The following CNOT3 variants were observed in gnomAD, a reference collection of about 807,000 sequenced individuals.
CNOT3 encodes the protein CCR4-associated factor 3.
A neutral mutation model predicts 89.4 loss-of-function variants in CNOT3; 2 were observed. The observed-to-expected ratio is 0.02, with a 90% CI of 0.01 to 0.07. The LOEUF is 0.07. Ranked by LOEUF, CNOT3 falls within the 10% of genes least tolerant of loss-of-function variation. The pLI, the probability that CNOT3 is intolerant of heterozygous loss-of-function variation, is 1.00. For missense variants in CNOT3, 664 were observed against 1,010.2 expected (o/e 0.66, Z 4.65); for synonymous variants, 486 against 402.0 (o/e 1.21, Z -2.50).
rs1015932395 is a variant in CNOT3 at position 54,148,227 on chromosome 19, C to G, written c.974C>G (p.Ser325Cys). Residue 325 changes from serine (S) to cysteine (C), a missense_variant, in exon 11 of 18, where the codon TCC (serine) becomes TGC (cysteine). Around this residue, in one of 8 missense-constraint regions of CNOT3, gnomAD observed 545 missense variants for 566.2 expected, o/e 0.96. Transcript: ENST00000221232. This position sits in a 1 kb window ranked among gnomAD's most constrained non-coding sequence, Gnocchi z 6.3. ...CCAGCTGTGCCGCCCACCTACCCCT[C>G]CGGCCCCCCGCCTGCTGCCTCTGCC... The part of the protein sequence containing the change: ...QSPAVPPTYP[S>C]GPPPAASALS... 2 of 1,597,868 alleles carry G rather than the reference C, an allele frequency of 1.3e-6. No individual in the cohort carries two copies. Among genetic ancestry groups the G allele is most frequent in the Non-Finnish European group, 1.7e-6 (2 of 1,171,788 alleles).
rs1555805431 is a variant in CNOT3 at position 54,148,775 on chromosome 19, T to A, written c.1406+32T>A. 2.5e-6 allele frequency: 4 copies of A among 1,600,550 alleles called. No homozygotes were observed. Among genetic ancestry groups the A allele is most frequent in the Non-Finnish European group, 2.6e-6 (3 of 1,173,386 alleles). On this transcript the variant is annotated intron_variant, in intron 12 of 17. Coordinates refer to ENST00000221232, the MANE Select transcript of CNOT3 (RefSeq NM_014516.4). This position sits in a 1 kb window ranked among gnomAD's most constrained non-coding sequence, Gnocchi z 6.3. ...GTCTCGGCCATCGGCAGGGTTGGGA[T>A]GGCAGCCTTTTGAAACAGAGAGGCG...
chr19:54,143,349 G>T lies in CNOT3; in HGVS notation c.94-93G>T, dbSNP rs1459984939. 9.5e-6 allele frequency: 13 copies of T among 1,366,534 alleles called. 1 individual carries two copies. Among genetic ancestry groups the T allele is most frequent in the Non-Finnish European group, 1.1e-5 (11 of 959,300 alleles). The allele number at this position is 1,366,534 out of a possible 1,614,324, so 84.7% of individuals were successfully genotyped here. A position where few individuals can be genotyped will look rare whatever the true frequency, so the allele number is the denominator to read the frequency against. On this transcript the variant is annotated intron_variant, in intron 3 of 17. Transcript: ENST00000221232. ...TGGATTGGGGGTAGGGGTTGGGGGG[G>T]GTCCTCGAGTCCCTAGCATAAGGAA...
At chr19:54,138,863 G>A (rs1411385932) in intron 1 of CNOT3, among the ~76,000 whole-genome samples, 1 of 152,220 alleles carries the variant, frequency 6.6e-6, no homozygotes, top group African/African-American at 2.4e-5. Flanking sequence ...CGTCCTCAGT[G>A]TGGCCCACGT....
At chr19:54,142,889 A>G in intron 1 of CNOT3, 40 bp from the exon 2 acceptor site, 1 of 1,353,182 alleles carries the variant, frequency 7.4e-7, no homozygotes, top group Admixed American at 1.7e-5. Flanking sequence ...TTTACCAGCC[A>G]GGGAATACGT....
chr19:54,153,630 C>T, intron 16 of CNOT3, 85 bp from the exon 17 acceptor site: 1 of 1,029,396 alleles, frequency 9.7e-7, no homozygotes, highest in East Asian at 2.4e-5. Flanking sequence ...GGCCGGGGTT[C>T]AGCCCTGATG....
chr19:54,148,315 C>T lies in CNOT3; in HGVS notation c.1062C>T (p.Gly354=). ...CCGCAGCACCCCCAAGTGCCCTGGG[C>T]CCCAAGGCCAGTCCAGCTCCCAGCC... ...PAPAAPPSAL[G]PKASPAPSHN... The change falls in exon 11 of 18, where the codon GGC becomes GGT. Residue 354 remains glycine (G), a synonymous_variant. Coordinates refer to ENST00000221232, the MANE Select transcript of CNOT3 (RefSeq NM_014516.4). The surrounding 1 kb of genome is among the most constrained non-coding windows in gnomAD (Gnocchi z 6.3). 2 of 1,604,258 alleles carry T rather than the reference C, an allele frequency of 1.2e-6. No individual in the cohort carries two copies. Among genetic ancestry groups the T allele is most frequent in the South Asian group, 1.1e-5 (1 of 89,856 alleles).
Position 54,148,777 on chromosome 19 carries a change from GCAGCCTT to G in CNOT3, c.1406+35_1406+41del. ...CTCGGCCATCGGCAGGGTTGGGATG[GCAGCCTT>G]TTGAAACAGAGAGGCGCAGGCGCCT... On this transcript the variant is annotated intron_variant, in intron 12 of 17. Transcript: ENST00000221232. The surrounding 1 kb of genome is among the most constrained non-coding windows in gnomAD (Gnocchi z 6.3). The G allele has an allele frequency of 6.3e-7, 1 of 1,599,016 alleles. No individual in the cohort carries two copies. Among genetic ancestry groups the G allele is most frequent in the Non-Finnish European group, 8.5e-7 (1 of 1,172,576 alleles).
intron 1 of CNOT3, among the ~76,000 whole-genome samples, chr19:54,140,761 G>A (rs1456841881): frequency 6.6e-6 from 1 of 152,126 alleles, no homozygotes; most frequent in African/African-American, 2.4e-5. Flanking sequence ...CTGGGTTAGC[G>A]CTCTTGTTCC....
At position 54,155,280 on chromosome 19, in the gene CNOT3, A is replaced by T. The variant is rs755257594; in HGVS notation, c.2164-29A>T. On this transcript the variant is annotated intron_variant, in intron 17 of 17. Transcript: ENST00000221232. Reference sequence around the variant, plus strand: ...CAGATCCCAGACCACCTCCTCGTCCACTCACTGACCGCCTTCTCCCCCGGC... The same window carrying T: ...CAGATCCCAGACCACCTCCTCGTCCTCTCACTGACCGCCTTCTCCCCCGGC... 1.9e-6 allele frequency: 3 copies of T among 1,611,100 alleles called. No individual in the cohort carries two copies. In the African/African-American group the frequency reaches 4.0e-5, roughly 22 times the overall value.
rs1203199614 is a variant in CNOT3, at chr19:54,150,833, C to T, written c.1605+1075C>T. 5.9e-5 allele frequency among the ~76,000 whole-genome samples: 9 copies of T among 151,860 alleles called. No homozygotes were observed. In the East Asian group the frequency reaches 9.7e-4, roughly 16 times the overall value. ...TGAGACAGAGTCTTGCTCTGTCACC[C>T]AGGCTGGAGTGCAGTGGTGCAATCT... On this transcript the variant is annotated intron_variant, in intron 13 of 17. Coordinates refer to ENST00000221232, the MANE Select transcript of CNOT3 (RefSeq NM_014516.4).
At chr19:54,143,860 G>A (rs1426669296) in intron 5 of CNOT3, 111 bp downstream of exon 5, 1 of 1,466,284 alleles carries the variant, frequency 6.8e-7, no homozygotes, top group African/African-American at 1.4e-5. Flanking sequence ...AGAGAAGTAA[G>A]GTTTCTGCAC....
In CNOT3 at chr19:54,144,184, G is replaced by A. The variant is rs1317025978; in HGVS notation, c.387+50G>A. On this transcript the variant is annotated intron_variant, in intron 6 of 17. Coordinates refer to ENST00000221232, the MANE Select transcript of CNOT3 (RefSeq NM_014516.4). The surrounding 1 kb of genome is among the most constrained non-coding windows in gnomAD (Gnocchi z 4.8). ...GTGAACTCTGAGGATCCTGAGCCCTGGGTGTAGGCGGAACCCTAGCTGATG... is the reference window on the plus strand; with the variant it reads ...GTGAACTCTGAGGATCCTGAGCCCTAGGTGTAGGCGGAACCCTAGCTGATG... 7 of 1,612,544 alleles carry A rather than the reference G, an allele frequency of 4.3e-6. No individual in the cohort carries two copies. The highest frequency in any genetic ancestry group is 1.7e-5 in the Admixed American group (1 of 59,910).
chr19:54,142,770 A>T, intron 1 of CNOT3, 159 bp from the exon 2 acceptor site: 1 of 628,176 alleles, frequency 1.6e-6, no homozygotes. Context: ...TGGGCAGTCA[A>T]GCGAGCATCA....
At chr19:54,150,607 TGTCCAGGAGGCAGTGTGCGCGC>T (rs2075029965) in intron 13 of CNOT3, among the ~76,000 whole-genome samples, 1 of 151,538 alleles carries the variant, frequency 6.6e-6, no homozygotes, top group Non-Finnish European at 1.5e-5. Context: ...GCGCCCAGGC[TGTCCAGGAGGCAGTGTGCGCGC>T]CCAGGCTGTC....
chr19:54,148,318 C>G lies in CNOT3; in HGVS notation c.1065C>G (p.Pro355=). The G allele has an allele frequency of 1.2e-6, 2 of 1,603,322 alleles. No individual in the cohort carries two copies. Among genetic ancestry groups the G allele is most frequent in the Non-Finnish European group, 8.5e-7 (1 of 1,174,328 alleles). ...CAGCACCCCCAAGTGCCCTGGGCCC[C>G]AAGGCCAGTCCAGCTCCCAGCCACA... ...APAAPPSALG[P]KASPAPSHNS... is the part of the protein sequence containing the mutation. Residue 355 remains proline (P), a synonymous_variant, in exon 11 of 18, where the codon CCC becomes CCG. Transcript: ENST00000221232. The surrounding 1 kb of genome is among the most constrained non-coding windows in gnomAD (Gnocchi z 6.3).
intron 16 of CNOT3, 65 bp downstream of exon 16, chr19:54,153,064 C>T (rs750436532): frequency 1.0e-5 from 16 of 1,542,778 alleles, no homozygotes; most frequent in Middle Eastern, 1.7e-4. Context: ...GCCGTCCCCC[C>T]TCGGGCTGGA....
chr19:54,146,687 G>A (rs762308435), intron 10 of CNOT3, 30 bp downstream of exon 10: 7 of 1,252,230 alleles, frequency 5.6e-6, no homozygotes, highest in Middle Eastern at 1.8e-4. Context: ...GGGTGGGCAC[G>A]CCATTCACTC....
chr19:54,142,984 G>A lies in CNOT3; in HGVS notation c.6G>A (p.Ala2=), dbSNP rs145069026. M[A]DKRKLQGEID... is the part of the protein sequence containing the mutation. ...GCGTCTGTAGGGCAGGGAAGATGGCGGACAAGCGCAAACTCCAAGGTACTA... is the reference window on the plus strand; with the variant it reads ...GCGTCTGTAGGGCAGGGAAGATGGCAGACAAGCGCAAACTCCAAGGTACTA... The change falls in exon 2 of 18, where the codon GCG becomes GCA. Residue 2 remains alanine (A), a synonymous_variant. Transcript: ENST00000221232. The A allele has an allele frequency of 5.3e-5, 85 of 1,614,018 alleles. No homozygotes were observed. In the African/African-American group the frequency reaches 8.0e-4, roughly 15 times the overall value.
chr19:54,143,413 C>G, intron 3 of CNOT3, 29 bp from the exon 4 acceptor site: 1 of 1,611,200 alleles, frequency 6.2e-7, no homozygotes, highest in Non-Finnish European at 8.5e-7. Flanking sequence ...CCCTCCCACA[C>G]TGACTTCTCA....
Sources: allele counts gnomAD v4.1 joint callset (sites outside exome capture counted in the v4.1 genomes callset), GRCh38; gene constraint gnomAD v4.1.1; regional missense constraint gnomAD v4.1.1; non-coding constraint Gnocchi (gnomAD v3.1); transcripts MANE v1.5; gene names NCBI Gene and HGNC (gene_info 2026-07-23, HGNC 2026-07-21).